Variants in ZNF385D observed in about 807,000 individuals in gnomAD.
ZNF385D encodes zinc finger protein 385D.
ZNF385D carries 15 observed loss-of-function variants against 35.8 expected under a neutral mutation model. The ratio of observed to expected loss-of-function variants is 0.42; its 90% CI spans 0.28 to 0.64. The LOEUF is 0.64. ZNF385D is among the 30% of genes least tolerant of loss of function. ZNF385D has a pLI of 0.23. For synonymous variants in ZNF385D, 212 were observed against 186.8 expected, an observed-to-expected ratio of 1.13 and a Z score of -1.10; for missense variants, 474 against 494.6, an observed-to-expected ratio of 0.96 and a Z score of 0.39.
chr3:21,813,665 AGAAAT>A (rs2073029170), intron 3 of ZNF385D, among the ~76,000 whole-genome samples: 2 of 151,914 alleles, frequency 1.3e-5, no homozygotes. Flanking sequence ...AAGAGTAAAA[AGAAAT>A]GAACAAAGCC....
chr3:21,509,803 C>T (rs1254673122), intron 4 of ZNF385D, among the ~76,000 whole-genome samples: 1 of 152,138 alleles, frequency 6.6e-6, no homozygotes, highest in East Asian at 1.9e-4. Flanking sequence ...GAAGAAAATA[C>T]AAAATGCCAC....
intron 3 of ZNF385D, among the ~76,000 whole-genome samples, chr3:21,560,685 C>G (rs2062911598): frequency 1.3e-5 from 2 of 152,190 alleles, no homozygotes; most frequent in South Asian, 4.1e-4. Flanking sequence ...CTGGGAGATC[C>G]GCTGCTCTCT....
At chr3:22,126,532 T>C (rs993487157) in intron 3 of ZNF385D, among the ~76,000 whole-genome samples, 5 of 152,108 alleles carry the variant, frequency 3.3e-5, no homozygotes, top group Non-Finnish European at 5.9e-5. Context: ...TATTCCATTG[T>C]GGTCGAGAAG....
intron 3 of ZNF385D, among the ~76,000 whole-genome samples, chr3:21,910,941 C>A (rs1043811250): frequency 6.6e-6 from 1 of 151,706 alleles, no homozygotes; most frequent in Non-Finnish European, 1.5e-5. Context: ...ACAAAATAAA[C>A]CTGATGCTTT....
At chr3:22,037,777 C>G (rs549408390) in intron 3 of ZNF385D, among the ~76,000 whole-genome samples, 17 of 152,166 alleles carry the variant, frequency 1.1e-4, no homozygotes, top group African/African-American at 3.9e-4. Flanking sequence ...ACATGAAGTC[C>G]TTGCCCATGC....
chr3:21,911,289 G>T (rs1375921635), intron 3 of ZNF385D, among the ~76,000 whole-genome samples: 4 of 151,888 alleles, frequency 2.6e-5, no homozygotes, highest in South Asian at 2.1e-4. Context: ...AGCACATGTT[G>T]TAAGAAACAT....
At chr3:22,223,205 T>C (rs191544986) in intron 2 of ZNF385D, among the ~76,000 whole-genome samples, 1 of 152,258 alleles carries the variant, frequency 6.6e-6, no homozygotes, top group African/African-American at 2.4e-5. Flanking sequence ...GTTCAGCTCA[T>C]CTTAAATCAA....
At chr3:22,044,896 C>G (rs1352400562) in intron 3 of ZNF385D, among the ~76,000 whole-genome samples, 1 of 151,978 alleles carries the variant, frequency 6.6e-6, no homozygotes, top group Non-Finnish European at 1.5e-5. Context: ...ACTTTCCTTA[C>G]AGTGATTTGC....
At chr3:21,903,345 C>T (rs549069828) in intron 3 of ZNF385D, among the ~76,000 whole-genome samples, 1 of 152,198 alleles carries the variant, frequency 6.6e-6, no homozygotes, top group South Asian at 2.1e-4. Context: ...GGGCAAAAGG[C>T]AAGATTTGGT....
intron 2 of ZNF385D, among the ~76,000 whole-genome samples, chr3:22,301,164 C>T (rs753312699): frequency 2.0e-5 from 3 of 151,878 alleles, no homozygotes; most frequent in African/African-American, 4.8e-5. Flanking sequence ...GTTTGTTAAG[C>T]GAAATAAGCT....
In ZNF385D at chr3:21,514,800, A is replaced by G. The variant is rs537757273; in HGVS notation, c.277-3777T>C. Among the ~76,000 whole-genome samples, 10 of 152,178 alleles carry G rather than the reference A, an allele frequency of 6.6e-5. No individual in the cohort carries two copies. In the South Asian group the frequency reaches 8.3e-4, roughly 13 times the overall value. ...AAATTCTTGTATTGTTCTTTGCTCA[A>G]TTAAACTCCGCTAAATTTAATTTGT... is the stretch of plus-strand genomic sequence containing the variant. On this transcript the variant is annotated intron_variant, in intron 3 of 7. Coordinates refer to ENST00000281523, the MANE Select transcript of ZNF385D (RefSeq NM_024697.3).
At chr3:22,140,449 G>A (rs77002552) in intron 3 of ZNF385D, among the ~76,000 whole-genome samples, 2,926 of 152,208 alleles carry the variant, frequency 0.019, 105 homozygotes, top group African/African-American at 0.067. Flanking sequence ...GATGTTAGGA[G>A]TAGAGCAATT....
intron 3 of ZNF385D, among the ~76,000 whole-genome samples, chr3:22,146,187 A>T (rs1454117041): frequency 3.9e-5 from 6 of 152,222 alleles, no homozygotes; most frequent in Non-Finnish European, 5.9e-5. Flanking sequence ...CTAAAAAAGT[A>T]GCAAAGTTTC....
chr3:22,358,661 A>G (rs1476123444), intron 2 of ZNF385D, among the ~76,000 whole-genome samples: 1 of 151,790 alleles, frequency 6.6e-6, no homozygotes, highest in Non-Finnish European at 1.5e-5. Context: ...GTAATAAAAG[A>G]GAAATTTTGG....
At chr3:21,990,412 C>T (rs1695085104) in intron 3 of ZNF385D, among the ~76,000 whole-genome samples, 1 of 152,190 alleles carries the variant, frequency 6.6e-6, no homozygotes, top group South Asian at 2.1e-4. Flanking sequence ...TACCTAACTT[C>T]CTAGCAAGAG....
At chr3:21,488,655 C>T (rs1343070545) in intron 4 of ZNF385D, among the ~76,000 whole-genome samples, 1 of 151,952 alleles carries the variant, frequency 6.6e-6, no homozygotes, top group Non-Finnish European at 1.5e-5. Flanking sequence ...CATCCTGAAT[C>T]TCAGCTTTCT....
intron 2 of ZNF385D, among the ~76,000 whole-genome samples, chr3:22,170,119 T>C (rs557741775): frequency 1.3e-5 from 2 of 152,340 alleles, no homozygotes; most frequent in Non-Finnish European, 2.9e-5. Flanking sequence ...TCCATTCCAA[T>C]TCTCCCAGTT....
intron 2 of ZNF385D, among the ~76,000 whole-genome samples, chr3:22,350,501 T>A (rs1254160718): frequency 1.3e-5 from 2 of 152,080 alleles, no homozygotes; most frequent in Non-Finnish European, 2.9e-5. Flanking sequence ...CCATGATAAA[T>A]CTGTGTGTAT....
intron 3 of ZNF385D, among the ~76,000 whole-genome samples, chr3:22,122,654 CT>C (rs1333105025): frequency 6.6e-6 from 1 of 151,796 alleles, no homozygotes; most frequent in Non-Finnish European, 1.5e-5. Context: ...ATAATAAGTT[CT>C]ATGGAAGAAA....
Sources: gnomAD v4.1 joint callset for allele counts (sites outside exome capture counted in the v4.1 genomes callset) on GRCh38, gnomAD v4.1.1 for gene constraint, MANE v1.5 for transcripts, NCBI Gene and HGNC (gene_info 2026-07-23, HGNC 2026-07-21) for gene names.